The following FANCA variants were observed in gnomAD, a reference collection of about 807,000 sequenced individuals.
FANCA encodes the protein Fanconi anemia group A protein.
In FANCA, 236 loss-of-function variants were observed where a neutral mutation model predicts 194.3. The ratio of observed to expected loss-of-function variants is 1.21; its 90% CI spans 1.09 to 1.35. The LOEUF (loss-of-function observed/expected upper bound fraction) is 1.35, where lower values mean the gene tolerates loss of function less well. FANCA is among the 40% of genes most tolerant of loss of function. FANCA has a pLI of 0.00. For synonymous variants in FANCA, 1,014 were observed against 715.8 expected, an observed-to-expected ratio of 1.42 and a Z score of -6.65; for missense variants, 2,628 against 1,813.9, an observed-to-expected ratio of 1.45 and a Z score of -8.15.
chr16:89,792,147 C>G (rs1392049286), intron 12 of FANCA, 79 bp from the exon 13 acceptor site: 1 of 1,549,506 alleles, frequency 6.5e-7, no homozygotes, highest in Admixed American at 1.7e-5. Context: ...TCCTCCCAGC[C>G]GGTGGCCACC....
chr16:89,789,732 C>G (rs1356121170), intron 14 of FANCA, among the ~76,000 whole-genome samples: 1 of 152,054 alleles, frequency 6.6e-6, no homozygotes, highest in Non-Finnish European at 1.5e-5. Flanking sequence ...AGCCACTGTA[C>G]CTGGCCCGAA....
chr16:89,761,897 T>A, intron 29 of FANCA, 52 bp downstream of exon 29: 1 of 1,428,622 alleles, frequency 7.0e-7, no homozygotes, highest in Non-Finnish European at 9.9e-7. Context: ...AGTGCTGGGA[T>A]TATAGGTGTG....
intron 3 of FANCA, among the ~76,000 whole-genome samples, chr16:89,812,718 A>G (rs2040943888): frequency 1.3e-5 from 2 of 150,984 alleles, no homozygotes; most frequent in African/African-American, 4.9e-5. Context: ...TGGCTCTAAA[A>G]ACACATTATC....
intron 10 of FANCA, among the ~76,000 whole-genome samples, chr16:89,796,731 T>C (rs2040260351): frequency 6.6e-6 from 1 of 151,946 alleles, no homozygotes; most frequent in Admixed American, 6.6e-5. Flanking sequence ...GGTAAGAAAA[T>C]CAAGGGTCCA....
At chr16:89,813,117 G>A (rs1488000257) in intron 3 of FANCA, among the ~76,000 whole-genome samples, 2 of 151,120 alleles carry the variant, frequency 1.3e-5, no homozygotes, top group South Asian at 2.1e-4. Context: ...TGAAATTCTC[G>A]GTAGAAAAGT....
intron 3 of FANCA, among the ~76,000 whole-genome samples, chr16:89,812,043 T>C (rs1462268295): frequency 6.7e-6 from 1 of 149,386 alleles, no homozygotes; most frequent in African/African-American, 2.5e-5. Context: ...ATTAATTGTT[T>C]AAAGAAACCG....
intron 15 of FANCA, among the ~76,000 whole-genome samples, chr16:89,784,548 G>C (rs980015222): frequency 6.6e-6 from 1 of 152,052 alleles, no homozygotes; most frequent in Non-Finnish European, 1.5e-5. Context: ...TCACTGTTTT[G>C]AGGGAGACTG....
chr16:89,805,730 A>G (rs2040616918), intron 6 of FANCA, among the ~76,000 whole-genome samples: 1 of 151,582 alleles, frequency 6.6e-6, no homozygotes, highest in South Asian at 2.1e-4. Context: ...CACTGTGCCC[A>G]GTCTCAAGTT....
rs1337053167 is a variant in FANCA, at chr16:89,758,646, C to T, written c.2912G>A (p.Gly971Glu). 6.2e-7 allele frequency: 1 copy of T among 1,613,946 alleles called. No individual in the cohort carries two copies. Among genetic ancestry groups the T allele is most frequent in the Non-Finnish European group, 8.5e-7 (1 of 1,179,968 alleles). ...EHFLPESSAS[G>E]GCDGDLQAAC... ...AGCCTGCAGGTCTCCGTCACAGCCC[C>T]CTGAAGCCGAGGACTCAGGGAGAAA... Residue 971 changes from glycine (G) to glutamate (E), a missense_variant, in exon 30 of 43, where the codon GGG (glycine) becomes GAG (glutamate). Transcript: ENST00000389301.
At chr16:89,805,487 A>G in intron 6 of FANCA, 95 bp from the exon 7 acceptor site, 2 of 908,846 alleles carry the variant, frequency 2.2e-6, no homozygotes, top group Non-Finnish European at 3.5e-6. Flanking sequence ...TTTTTGAGAC[A>G]GTTTTTTGCT....
rs1473348484 is a variant in FANCA, at chr16:89,738,489, A to G, written c.*112T>C. 8 of 1,525,794 alleles carry G rather than the reference A, an allele frequency of 5.2e-6. No individual in the cohort carries two copies. In the South Asian group the frequency reaches 5.7e-5, roughly 11 times the overall value. 94.5% of individuals were successfully genotyped at this position (1,525,794 alleles called of 1,614,324 possible). ...TAAATAATTGATTCCTTTCCCCACT[A>G]AAGCAGTCGAGGAGATTTGTAATCC... On this transcript the variant is annotated 3_prime_UTR_variant, in exon 43 of 43. Transcript: ENST00000389301.
chr16:89,797,436 A>G (rs1233262549), intron 10 of FANCA, among the ~76,000 whole-genome samples: 1 of 152,208 alleles, frequency 6.6e-6, no homozygotes, highest in Non-Finnish European at 1.5e-5. Flanking sequence ...TGCAAACTCA[A>G]GACACTCACA....
At chr16:89,740,664 T>G in intron 38 of FANCA, 140 bp downstream of exon 38, 1 of 659,744 alleles carries the variant, frequency 1.5e-6, no homozygotes, top group Non-Finnish European at 2.7e-6. Flanking sequence ...ACCCACGGCC[T>G]GGGAGTTCTC....
intron 31 of FANCA, among the ~76,000 whole-genome samples, chr16:89,750,435 A>G (rs970909021): frequency 2.6e-5 from 4 of 151,170 alleles, no homozygotes; most frequent in East Asian, 3.9e-4. Context: ...GTGAGCCCAG[A>G]TCGCACCACT....
At chr16:89,741,836 A>G (rs1598060295) in intron 37 of FANCA, among the ~76,000 whole-genome samples, 1 of 152,202 alleles carries the variant, frequency 6.6e-6, no homozygotes, top group East Asian at 1.9e-4. Flanking sequence ...TGCAGCATGA[A>G]CACAGAAGGC....
chr16:89,785,858 G>GTTTTTTTT (rs1469531630), intron 14 of FANCA, among the ~76,000 whole-genome samples: 4 of 138,066 alleles, frequency 2.9e-5, no homozygotes, highest in Non-Finnish European at 4.5e-5. Flanking sequence ...ATTGTGTTTT[G>GTTTTTTTT]TTTTTTTTTT....
chr16:89,771,025 C>T (rs1049180626), intron 23 of FANCA, among the ~76,000 whole-genome samples: 5 of 151,882 alleles, frequency 3.3e-5, no homozygotes, highest in South Asian at 2.1e-4. Context: ...ATTAGCTGGG[C>T]GTAGTGGTGT....
chr16:89,788,331 G>A (rs928118591), intron 14 of FANCA, among the ~76,000 whole-genome samples: 2 of 152,008 alleles, frequency 1.3e-5, no homozygotes, highest in Admixed American at 6.6e-5. Context: ...TGTGGTGGCA[G>A]GCACCTGTAG....
chr16:89,814,590 T>A lies in FANCA; in HGVS notation c.213A>T (p.Lys71Asn), dbSNP rs2041027459. 2.5e-6 allele frequency: 4 copies of A among 1,613,512 alleles called. No individual in the cohort carries two copies. The highest frequency in any genetic ancestry group is 3.4e-6 in the Non-Finnish European group (4 of 1,179,486). ...LLEVEGPLCKKLSLSKVIDCD... is the reference protein window; with the variant it reads ...LLEVEGPLCKNLSLSKVIDCD... ...AGTCAATCACTTTGCTGAGAGACAA[T>A]TTTTTACACAGTGGACCTTCTACCT... Residue 71 changes from lysine to asparagine, a missense_variant, in exon 3 of 43, where the codon AAA (lysine) becomes AAT (asparagine). Physicochemically the swap from Lys to Asn is moderately conservative, Grantham distance 94. Transcript: ENST00000389301.
Sources: allele counts gnomAD v4.1 joint callset (sites outside exome capture counted in the v4.1 genomes callset), GRCh38; gene constraint gnomAD v4.1.1; transcripts MANE v1.5; gene names NCBI Gene and HGNC (gene_info 2026-07-23, HGNC 2026-07-21).